Variants in DNAH1 observed in about 807,000 individuals in gnomAD.
The protein encoded by DNAH1 is dynein axonemal heavy chain 1.
A neutral mutation model predicts 484.3 loss-of-function variants in DNAH1; 327 were observed. That is an observed-to-expected ratio of 0.68 (90% confidence interval 0.62 to 0.74). The LOEUF (loss-of-function observed/expected upper bound fraction) is 0.74, where lower values mean the gene tolerates loss of function less well. Ranked by LOEUF, DNAH1 falls within the 30% of genes least tolerant of loss-of-function variation. DNAH1 has a pLI of 0.00. For missense variants in DNAH1, 5,052 were observed against 5,546.8 expected, an observed-to-expected ratio of 0.91 and a Z score of 2.83; for synonymous variants, 2,192 against 2,191.9, an observed-to-expected ratio of 1.00 and a Z score of 0.00.
intron 8 of DNAH1, among the ~76,000 whole-genome samples, chr3:52,343,868 C>A (rs1009370194): frequency 6.6e-6 from 1 of 152,026 alleles, no homozygotes; most frequent in Non-Finnish European, 1.5e-5. Context: ...AGTGAGTGAG[C>A]GAGTGAGTGA....
At position 52,326,700 on chromosome 3, in the gene DNAH1, A is replaced by C. The variant is rs546708532; in HGVS notation, c.582-35A>C. ...CCATGGAGCCACCTCACACGAGCCA[A>C]GCCATCCTGAGGTCCCCTCCCTGCC... On this transcript the variant is annotated intron_variant, in intron 4 of 77. Coordinates refer to ENST00000420323, the MANE Select transcript of DNAH1 (RefSeq NM_015512.5). 1.4e-4 allele frequency: 221 copies of C among 1,550,690 alleles called. 3 individuals are homozygous for C. The South Asian group carries it at 2.6e-3, about 18-fold the overall frequency.
In DNAH1 at chr3:52,331,328, GC is replaced by G; in HGVS notation, c.1033+23del. The G allele has an allele frequency of 6.3e-7, 1 of 1,591,182 alleles. No individual in the cohort carries two copies. The highest frequency in any genetic ancestry group is 8.6e-7 in the Non-Finnish European group (1 of 1,169,260). On this transcript the variant is annotated intron_variant, in intron 7 of 77. Transcript: ENST00000420323. ...ACTGAAGGTATGAGGTCCTGCCGCT[GC>G]CCCAGGCAGAACCCCAGCTTGGGCC...
At position 52,349,284 on chromosome 3, in the gene DNAH1, T is replaced by C; in HGVS notation, c.2390T>C (p.Leu797Pro). ...LREKEILDSSLPSSIIIGPFY... is the reference protein window; with the variant it reads ...LREKEILDSSPPSSIIIGPFY... ...GAGAAGGAGATCCTGGACAGCTCGCTGCCCAGCAGCATCATCATTGGGCCT... is the reference window on the plus strand; with the variant it reads ...GAGAAGGAGATCCTGGACAGCTCGCCGCCCAGCAGCATCATCATTGGGCCT... Residue 797 changes from leucine to proline, a missense_variant, in exon 14 of 78, where the codon CTG (leucine) becomes CCG (proline). Leu to Pro is a moderately conservative substitution (Grantham distance 98). This residue lies in a region of DNAH1 where 1,263 missense variants were observed against 1,218.8 expected (regional missense o/e 1.04). Coordinates refer to ENST00000420323, the MANE Select transcript of DNAH1 (RefSeq NM_015512.5). The C allele has an allele frequency of 6.2e-7, 1 of 1,614,012 alleles. No individual in the cohort carries two copies. The highest frequency in any genetic ancestry group is 8.5e-7 in the Non-Finnish European group (1 of 1,179,878).
At position 52,339,933 on chromosome 3, in the gene DNAH1, G is replaced by A. The variant is rs149814394; in HGVS notation, c.1287-4557G>A. ...TTTGCTTCTTTTCCCTTATCCTCCA[G>A]TCTACAAATGACCCCTTTCCTTCTG... On this transcript the variant is annotated intron_variant, in intron 8 of 77. Coordinates refer to ENST00000420323, the MANE Select transcript of DNAH1 (RefSeq NM_015512.5). 3.9e-3 allele frequency among the ~76,000 whole-genome samples: 592 copies of A among 152,032 alleles called. 5 individuals are homozygous for A. The highest frequency in any genetic ancestry group is 0.023 in the South Asian group (111 of 4,804).
intron 60 of DNAH1, 62 bp downstream of exon 60, chr3:52,389,648 G>T: frequency 7.8e-7 from 1 of 1,286,332 alleles, no homozygotes; most frequent in Non-Finnish European, 9.9e-7. Flanking sequence ...GGCTGGGCCA[G>T]GAGCCTTCTG....
In DNAH1 at chr3:52,347,952, A is replaced by G; in HGVS notation, c.2084A>G (p.His695Arg). 2 of 1,610,482 alleles carry G rather than the reference A, an allele frequency of 1.2e-6. No homozygotes were observed. The highest frequency in any genetic ancestry group is 1.7e-6 in the Non-Finnish European group (2 of 1,178,432). Residue 695 changes from histidine (H) to arginine (R), a missense_variant, in exon 12 of 78, where the codon CAT (histidine) becomes CGT (arginine). Around this residue, in one of 4 missense-constraint regions of DNAH1, gnomAD observed 1,263 missense variants for 1,218.8 expected, o/e 1.04. Transcript: ENST00000420323. ...NLFDKGILAT[H>R]AVPQLEKLVM... ...TTCGACAAGGGCATCCTGGCCACCCATGCCGTGCCCCAGCTGGAGAAGGTA... is the reference window on the plus strand; with the variant it reads ...TTCGACAAGGGCATCCTGGCCACCCGTGCCGTGCCCCAGCTGGAGAAGGTA...
In DNAH1 at chr3:52,322,556, G is replaced by A. The variant is rs758216516; in HGVS notation, c.114G>A (p.Pro38=). 1.4e-5 allele frequency: 23 copies of A among 1,613,694 alleles called. No individual in the cohort carries two copies. Among genetic ancestry groups the A allele is most frequent in the African/African-American group, 1.2e-4 (9 of 74,868 alleles). Residue 38 remains proline, a synonymous_variant, in exon 2 of 78, where the codon CCG becomes CCA. Transcript: ENST00000420323. ...VGTHRGLEYN[P]GKILPGSDYG... ...CCCACAGGGGCCTAGAGTATAACCC[G>A]GGGAAGATTCTTCCAGGATCAGACT...
chr3:52,386,905 C>T (rs1210661649), intron 56 of DNAH1, 52 bp downstream of exon 56: 6 of 1,479,290 alleles, frequency 4.1e-6, no homozygotes, highest in Non-Finnish European at 4.5e-6. Flanking sequence ...AAGGCCCGCC[C>T]GGCAGGACAG....
chr3:52,328,833 A>G (rs1156476651), intron 6 of DNAH1, among the ~76,000 whole-genome samples: 1 of 152,192 alleles, frequency 6.6e-6, no homozygotes, highest in Non-Finnish European at 1.5e-5. Flanking sequence ...TCCCCTGTGC[A>G]GGGCTGAAGG....
At position 52,359,985 on chromosome 3, in the gene DNAH1, A is replaced by G. The variant is rs375805820; in HGVS notation, c.4477A>G (p.Ile1493Val). Residue 1493 changes from isoleucine (I) to valine (V), a missense_variant, in exon 27 of 78, where the codon ATC becomes GTC. Coordinates refer to ENST00000420323, the MANE Select transcript of DNAH1 (RefSeq NM_015512.5). ...RMQRAVLSAL[I>V]VIEVHAKDVV... ...GCAGCGGGCAGTGCTGTCAGCGCTAATCGTCATTGAGGTCCATGCCAAGGA... is the reference window on the plus strand; with the variant it reads ...GCAGCGGGCAGTGCTGTCAGCGCTAGTCGTCATTGAGGTCCATGCCAAGGA... 1.1e-5 allele frequency: 18 copies of G among 1,613,822 alleles called. No individual in the cohort carries two copies. The highest frequency in any genetic ancestry group is 1.4e-5 in the Non-Finnish European group (17 of 1,179,902).
chr3:52,396,799 TGGGCCTGGGGCAGACTG>T lies in DNAH1; in HGVS notation c.11610+13_11610+29del. ...GAATATGATGACATCCCCTACAAGG[TGGGCCTGGGGCAGACTG>T]GGGCCTGGGGGACTGGGCACTTAGG... is the stretch of plus-strand genomic sequence containing the variant. On this transcript the variant is annotated splice_donor_5th_base_variant and intron_variant, in intron 72 of 77. Transcript: ENST00000420323. 6.2e-7 allele frequency: 1 copy of T among 1,613,196 alleles called. No individual in the cohort carries two copies. The highest frequency in any genetic ancestry group is 8.5e-7 in the Non-Finnish European group (1 of 1,179,594).
At chr3:52,349,169 C>T in intron 13 of DNAH1, 26 bp from the exon 14 acceptor site, 2 of 1,612,202 alleles carry the variant, frequency 1.2e-6, no homozygotes, top group Non-Finnish European at 1.7e-6. Context: ...ATCCTCTGCC[C>T]CCTCCCGTGT....
At position 52,353,042 on chromosome 3, in the gene DNAH1, C is replaced by T. The variant is rs1702459374; in HGVS notation, c.3028-61C>T. 6.6e-6 allele frequency: 10 copies of T among 1,517,098 alleles called. No individual in the cohort carries two copies. The highest frequency in any genetic ancestry group is 8.9e-6 in the Non-Finnish European group (10 of 1,118,100). The allele number at this position is 1,517,098 out of a possible 1,614,324, so 94.0% of individuals were successfully genotyped here. On this transcript the variant is annotated intron_variant, in intron 18 of 77. Coordinates refer to ENST00000420323, the MANE Select transcript of DNAH1 (RefSeq NM_015512.5). This position sits in a 1 kb window ranked among gnomAD's most constrained non-coding sequence, Gnocchi z 5.0. Reference sequence around the variant, plus strand: ...GAGGACCTGGCCCAAGAAGGGGCAACATGGAGAGAGACTGGGAAGTGTCCC... The same window carrying T: ...GAGGACCTGGCCCAAGAAGGGGCAATATGGAGAGAGACTGGGAAGTGTCCC...
At position 52,349,241 on chromosome 3, in the gene DNAH1, G is replaced by T. The variant is rs767098672; in HGVS notation, c.2347G>T (p.Val783Leu). 1.9e-6 allele frequency: 3 copies of T among 1,613,796 alleles called. No homozygotes were observed. Among genetic ancestry groups the T allele is most frequent in the Non-Finnish European group, 2.5e-6 (3 of 1,179,860 alleles). The change falls in exon 14 of 78, where the codon GTG (valine) becomes TTG (leucine). Residue 783 changes from valine (V) to leucine (L), a missense_variant. Around this residue, in one of 4 missense-constraint regions of DNAH1, gnomAD observed 1,263 missense variants for 1,218.8 expected, o/e 1.04. Coordinates refer to ENST00000420323, the MANE Select transcript of DNAH1 (RefSeq NM_015512.5). ...GLLAQEVREVVLTHLREKEIL... is the reference protein window; with the variant it reads ...GLLAQEVREVLLTHLREKEIL... ...GTTGGCCCAGGAGGTGCGGGAGGTA[G>T]TGCTCACCCACCTGCGGGAGAAGGA...
At chr3:52,385,229 G>A (rs1378552789) in intron 53 of DNAH1, 108 bp from the exon 54 acceptor site, 9 of 1,211,644 alleles carry the variant, frequency 7.4e-6, no homozygotes, top group East Asian at 5.1e-5. Context: ...GGGGGCCACC[G>A]AAGCTGCCGG....
At chr3:52,351,462 C>T (rs768201360) in intron 16 of DNAH1, among the ~76,000 whole-genome samples, 1 of 152,228 alleles carries the variant, frequency 6.6e-6, no homozygotes, top group South Asian at 2.1e-4. Flanking sequence ...TCAGGGGGAA[C>T]TCCCCCACGA....
At chr3:52,359,501 G>A in intron 26 of DNAH1, 115 bp downstream of exon 26, 1 of 1,405,118 alleles carries the variant, frequency 7.1e-7, no homozygotes, top group Non-Finnish European at 9.6e-7. Context: ...CTGGGGTTGG[G>A]TCTAAAGGGG....
chr3:52,394,920 C>A lies in DNAH1; in HGVS notation c.10829C>A (p.Pro3610His). Reference sequence around the variant, plus strand: ...GGTGTGGGCCACTGTTGCAGGGAGCCTTTGCCTGGCATCTGGGACCAGTAC... The same window carrying A: ...GGTGTGGGCCACTGTTGCAGGGAGCATTTGCCTGGCATCTGGGACCAGTAC... Reference protein sequence around the residue: ...IFDSLEPHREPLPGIWDQYLD... With the variant: ...IFDSLEPHREHLPGIWDQYLD... Residue 3610 changes from proline (P) to histidine (H), a missense_variant, in exon 68 of 78, where the codon CCT (proline) becomes CAT (histidine). Physicochemically the swap from Pro to His is moderately conservative, Grantham distance 77. Coordinates refer to ENST00000420323, the MANE Select transcript of DNAH1 (RefSeq NM_015512.5). 1 of 1,613,480 alleles carries A rather than the reference C, an allele frequency of 6.2e-7. No homozygotes were observed. The highest frequency in any genetic ancestry group is 8.5e-7 in the Non-Finnish European group (1 of 1,179,724).
rs767322045 is a variant in DNAH1, at chr3:52,383,948, G to T, written c.8239G>T (p.Ala2747Ser). 11 of 1,612,804 alleles carry T rather than the reference G, an allele frequency of 6.8e-6. No homozygotes were observed. In the South Asian group the frequency reaches 1.2e-4, roughly 18 times the overall value. The change falls in exon 52 of 78, where the codon GCA (alanine) becomes TCA (serine). Residue 2747 changes from alanine (A) to serine (S), a missense_variant. This residue lies in a region of DNAH1 where 2,929 missense variants were observed against 3,409.4 expected (regional missense o/e 0.86). Coordinates refer to ENST00000420323, the MANE Select transcript of DNAH1 (RefSeq NM_015512.5). ...CTIDWFNEWP[A>S]EALKSVATVF... ...CATCGACTGGTTTAACGAGTGGCCGGCAGAAGCCCTGAAGTCTGTGGCCAC... is the reference window on the plus strand; with the variant it reads ...CATCGACTGGTTTAACGAGTGGCCGTCAGAAGCCCTGAAGTCTGTGGCCAC...
Sources: allele counts gnomAD v4.1 joint callset (sites outside exome capture counted in the v4.1 genomes callset), GRCh38; gene constraint gnomAD v4.1.1; regional missense constraint gnomAD v4.1.1; non-coding constraint Gnocchi (gnomAD v3.1); transcripts MANE v1.5; gene names NCBI Gene and HGNC (gene_info 2026-07-23, HGNC 2026-07-21).